Variants in HAUS7 observed in about 807,000 individuals in gnomAD.
HAUS7 encodes the protein HAUS augmin-like complex subunit 7.
Under a neutral mutation model 28.4 loss-of-function variants are expected in HAUS7, and 3 were observed. The ratio of observed to expected loss-of-function variants is 0.11; its 90% confidence interval spans 0.05 to 0.27. The LOEUF (loss-of-function observed/expected upper bound fraction) is 0.27, where lower values mean the gene tolerates loss of function less well. HAUS7 is among the 10% of genes least tolerant of loss of function. The pLI, the probability that HAUS7 is intolerant of heterozygous loss-of-function variation, is 1.00. For synonymous variants in HAUS7, 165 were observed against 132.1 expected, an observed-to-expected ratio of 1.25 and a Z score of -1.71; for missense variants, 284 against 297.3, an observed-to-expected ratio of 0.96 and a Z score of 0.33.
intron 9 of HAUS7, 94 bp from the exon 10 acceptor site, chrX:153,448,003 G>A (rs1481112429): frequency 1.6e-5 from 11 of 678,536 alleles, no homozygotes; most frequent in Non-Finnish European, 2.3e-5. Context: ...CAGGGATCTA[G>A]AACTAGAAAT....
rs145411647 is a variant in HAUS7 at position 153,492,490 on chromosome X, A to G, written c.-589+2884T>C. ...AGTTATGGCTTATTGCAGACTGCAAACCACAGATACAAAAACCTTCCAGGT... is the reference window on the plus strand; with the variant it reads ...AGTTATGGCTTATTGCAGACTGCAAGCCACAGATACAAAAACCTTCCAGGT... On this transcript the variant is annotated intron_variant, in intron 1 of 5. Coordinates refer to the HAUS7 transcript ENST00000370210. Among the ~76,000 whole-genome samples, 35 of 112,394 alleles carry G rather than the reference A, an allele frequency of 3.1e-4. No homozygotes were observed. The East Asian group carries it at 9.6e-3, about 31-fold the overall frequency.
chrX:153,488,585 G>C (rs1193194844), intron 1 of HAUS7, among the ~76,000 whole-genome samples: 1 of 112,475 alleles, frequency 8.9e-6, no homozygotes, highest in Middle Eastern at 4.2e-3. Context: ...TCCTCCAGCT[G>C]GCCCCTCAGA....
intron 9 of HAUS7, among the ~76,000 whole-genome samples, chrX:153,453,821 CT>C (rs11350425): frequency 0.057 from 5,562 of 97,332 alleles, 377 homozygotes; most frequent in East Asian, 0.25. Context: ...CCTTAAGTAA[CT>C]TTTTTTTTTT....
At chrX:153,473,212 G>A (rs554056200), upstream of HAUS7, among the ~76,000 whole-genome samples, 7 of 112,700 alleles carry the variant, frequency 6.2e-5, no homozygotes, top group East Asian at 1.9e-3. Context: ...CAGACCCCAC[G>A]GTGCAGCGGG....
chrX:153,469,505 T>C (rs782198376), intron 1 of HAUS7, among the ~76,000 whole-genome samples: 4 of 112,030 alleles, frequency 3.6e-5, no homozygotes, highest in Admixed American at 9.3e-5. Flanking sequence ...TTTTTGTATT[T>C]TTAATAGAGA....
Position 153,490,837 on chromosome X carries a change from C to T in HAUS7, c.-589+4537G>A, listed in dbSNP as rs782242317. ...ACTGCCTCCTCCTCTAGAAGCTCTC[C>T]CTGCCCCCCAGTCTTGTACGGGCAC... is the stretch of plus-strand genomic sequence containing the variant. On this transcript the variant is annotated intron_variant, in intron 1 of 5. Transcript: ENST00000370210. Among the ~76,000 whole-genome samples the T allele has an allele frequency of 3.5e-4, 39 of 112,567 alleles. No individual in the cohort carries two copies. In the Admixed American group the frequency reaches 3.6e-3, roughly 11 times the overall value.
rs1556981589 is a variant in HAUS7 at position 153,454,488 on chromosome X, T to C, written c.951A>G (p.Ala317=). 1.1e-6 allele frequency: 1 copy of C among 873,215 alleles called. No homozygotes were observed. The highest frequency in any genetic ancestry group is 1.5e-6 in the Non-Finnish European group (1 of 661,284). The allele number at this position is 873,215 out of a possible 1,213,427, so 72.0% of individuals were successfully genotyped here. Residue 317 remains alanine, a synonymous_variant, in exon 9 of 10, where the codon GCA becomes GCG. Transcript: ENST00000370211. ...CGGCCTTCGCAGAGGTGTCAGCAAC[T>C]GCCATGACCACTTGCAGCAGCTGGG... ...SYSQLLQVVM[A]VADTSAKAVE...
chrX:153,469,877 T>C (rs1441342527), intron 1 of HAUS7, among the ~76,000 whole-genome samples: 1 of 110,741 alleles, frequency 9.0e-6, no homozygotes, highest in Admixed American at 9.5e-5. Context: ...GAGGGACCAC[T>C]GAGCCAGTCG....
chrX:153,488,745 G>T (rs2089654097), intron 1 of HAUS7, among the ~76,000 whole-genome samples: 1 of 112,570 alleles, frequency 8.9e-6, no homozygotes. Context: ...CCACCTTCTC[G>T]CAGTCCCAGA....
Position 153,447,728 on chromosome X carries a change from A to T in HAUS7, c.*150T>A, listed in dbSNP as rs965552623. 1 of 580,561 alleles carries T rather than the reference A, an allele frequency of 1.7e-6. No individual in the cohort carries two copies. The allele number at this position is 580,561 out of a possible 1,213,427, so 47.8% of individuals were successfully genotyped here. A position where few individuals can be genotyped will look rare whatever the true frequency, so the allele number is the denominator to read the frequency against. ...CCGCCCGTCTGTCTCTCCCTCCCCA[A>T]AGGGGCCAAAGGTCCCTGCCTAGAG... On this transcript the variant is annotated 3_prime_UTR_variant, in exon 10 of 10. Transcript: ENST00000370211.
At chrX:153,491,837 C>T (rs782739400) in intron 1 of HAUS7, among the ~76,000 whole-genome samples, 1 of 113,314 alleles carries the variant, frequency 8.8e-6, no homozygotes, top group African/African-American at 3.2e-5. Flanking sequence ...CGGCTCCATC[C>T]GGCAGGAGAA....
At chrX:153,459,709 C>A (rs2089362872) in intron 4 of HAUS7, among the ~76,000 whole-genome samples, 2 of 112,165 alleles carry the variant, frequency 1.8e-5, no homozygotes, top group South Asian at 7.4e-4. Context: ...ACATATATAT[C>A]CCTTAATGTA....
At chrX:153,484,494 C>T (rs2089622716) in intron 1 of HAUS7, among the ~76,000 whole-genome samples, 1 of 109,462 alleles carries the variant, frequency 9.1e-6, no homozygotes, top group Non-Finnish European at 1.9e-5. Context: ...GTCCTGGGAA[C>T]AGCGGGGAGG....
At chrX:153,459,941 C>T (rs1373453579) in intron 4 of HAUS7, among the ~76,000 whole-genome samples, 2 of 111,882 alleles carry the variant, frequency 1.8e-5, no homozygotes, top group South Asian at 3.7e-4. Context: ...GCTTGAAGCC[C>T]GGGGGCTCAT....
chrX:153,471,507 C>G (rs1433194217), upstream of HAUS7, among the ~76,000 whole-genome samples: 2 of 112,708 alleles, frequency 1.8e-5, no homozygotes, highest in Admixed American at 1.9e-4. Flanking sequence ...CGCTCCTCCC[C>G]CAGACCTGCA....
intron 1 of HAUS7, chrX:153,486,115 AC>A: frequency 1.1e-6 from 1 of 912,855 alleles, no homozygotes; most frequent in Admixed American, 4.0e-5. Flanking sequence ...CCCCTCCTCG[AC>A]CCCACACCTG....
chrX:153,468,872 G>A (rs782442258), intron 2 of HAUS7, among the ~76,000 whole-genome samples: 41 of 112,990 alleles, frequency 3.6e-4, no homozygotes, highest in Non-Finnish European at 6.6e-4. Flanking sequence ...AAACTCATAA[G>A]GCAAGGCAAA....
intron 1 of HAUS7, among the ~76,000 whole-genome samples, chrX:153,476,809 T>C (rs2089565131): frequency 9.1e-6 from 1 of 110,145 alleles, no homozygotes; most frequent in African/African-American, 3.3e-5. Flanking sequence ...CCTCCCACCC[T>C]CTGCTCCAGA....
At chrX:153,456,239 C>G in intron 7 of HAUS7, 26 bp downstream of exon 7, 1 of 1,142,289 alleles carries the variant, frequency 8.8e-7, no homozygotes, top group Non-Finnish European at 1.2e-6. Context: ...TCCAAGCAAC[C>G]CCCTCCCAGG....
Sources: allele counts gnomAD v4.1 joint callset (sites outside exome capture counted in the v4.1 genomes callset), GRCh38; gene constraint gnomAD v4.1.1; transcripts MANE v1.5; gene names NCBI Gene and HGNC (gene_info 2026-07-23, HGNC 2026-07-21).